The following LINGO2 variants were observed in gnomAD, a reference collection of about 807,000 sequenced individuals.
LINGO2 encodes the protein leucine rich repeat and Ig domain containing 2.
A neutral mutation model predicts 30.6 loss-of-function variants in LINGO2; 14 were observed. The observed-to-expected ratio is 0.46, with a 90% CI of 0.30 to 0.72. The LOEUF is 0.72. Among genes scored for constraint, LINGO2 ranks in the 30% least tolerant of loss-of-function variants. LINGO2 has a pLI of 0.07. For synonymous variants in LINGO2, 317 were observed against 288.5 expected (o/e 1.10, Z -1.00); for missense variants, 729 against 751.7 (o/e 0.97, Z 0.35).
intron 1 of LINGO2, among the ~76,000 whole-genome samples, chr9:28,654,153 G>A (rs1052109759): frequency 6.6e-6 from 1 of 151,984 alleles, no homozygotes; most frequent in Non-Finnish European, 1.5e-5. Flanking sequence ...CATCTTCAAG[G>A]ATTAGTTTTA....
chr9:28,676,691 T>G, the LINGO2 span, among the ~76,000 whole-genome samples: 21 of 152,152 alleles, frequency 1.4e-4, no homozygotes, highest in Non-Finnish European at 2.4e-4. Context: ...ATTGCTTTGG[T>G]GGCTTACATT....
chr9:29,204,228 T>C, the LINGO2 span, among the ~76,000 whole-genome samples: 1 of 152,240 alleles, frequency 6.6e-6, no homozygotes, highest in Non-Finnish European at 1.5e-5. Context: ...TGGATTAATC[T>C]ATTATAAAAA....
the LINGO2 span, among the ~76,000 whole-genome samples, chr9:28,761,913 G>T: frequency 6.6e-6 from 1 of 151,938 alleles, no homozygotes; most frequent in Non-Finnish European, 1.5e-5. Context: ...GCTATATAAA[G>T]GGTGAGGTTT....
At chr9:28,319,682 G>C (rs1485420925) in intron 3 of LINGO2, among the ~76,000 whole-genome samples, 3 of 152,114 alleles carry the variant, frequency 2.0e-5, no homozygotes, top group African/African-American at 7.2e-5. Flanking sequence ...GCAGAAAATA[G>C]ATTGGTTGTT....
At chr9:28,376,213 G>A (rs1259135003) in intron 2 of LINGO2, among the ~76,000 whole-genome samples, 2 of 151,898 alleles carry the variant, frequency 1.3e-5, no homozygotes, top group Non-Finnish European at 2.9e-5. Flanking sequence ...TGTTCATTAG[G>A]GTACTGGCTG....
intron 4 of LINGO2, among the ~76,000 whole-genome samples, chr9:28,060,412 C>G (rs1004825844): frequency 3.9e-5 from 6 of 152,142 alleles, no homozygotes; most frequent in Admixed American, 2.0e-4. Context: ...TGTGCCAGTA[C>G]TTTTGTAAGT....
the LINGO2 span, among the ~76,000 whole-genome samples, chr9:28,801,190 C>G: frequency 6.6e-6 from 1 of 152,036 alleles, no homozygotes; most frequent in Non-Finnish European, 1.5e-5. Flanking sequence ...AATTAGAGCT[C>G]TTGCCAATGG....
intron 2 of LINGO2, among the ~76,000 whole-genome samples, chr9:28,423,240 A>G (rs1331915): frequency 0.3 from 45,537 of 151,790 alleles, 7,761 homozygotes; most frequent in Non-Finnish European, 0.38. Context: ...GTAAAGCTTG[A>G]AATGGAATAT....
intron 1 of LINGO2, among the ~76,000 whole-genome samples, chr9:28,605,873 T>C (rs1013635041): frequency 2.0e-5 from 3 of 152,024 alleles, no homozygotes; most frequent in African/African-American, 7.2e-5. Flanking sequence ...TGCTACAAAG[T>C]CCTATGGTCG....
the LINGO2 span, among the ~76,000 whole-genome samples, chr9:29,017,624 A>T: frequency 6.6e-6 from 1 of 152,146 alleles, no homozygotes; most frequent in Admixed American, 6.6e-5. Context: ...CCACGTTGGC[A>T]TGCATCAAGG....
the LINGO2 span, among the ~76,000 whole-genome samples, chr9:28,975,794 C>A: frequency 2.4e-3 from 365 of 152,254 alleles, 1 homozygote; most frequent in African/African-American, 8.2e-3. Flanking sequence ...AGATAGCAAG[C>A]ATGTCAGAAA....
chr9:28,601,481 G>T (rs1401305391), intron 1 of LINGO2, among the ~76,000 whole-genome samples: 1 of 152,120 alleles, frequency 6.6e-6, no homozygotes, highest in Non-Finnish European at 1.5e-5. Flanking sequence ...TGGAGGACTA[G>T]AGGTATCAGG....
At chr9:28,366,214 A>G (rs1222034937) in intron 3 of LINGO2, among the ~76,000 whole-genome samples, 1 of 152,148 alleles carries the variant, frequency 6.6e-6, no homozygotes, top group Non-Finnish European at 1.5e-5. Context: ...GCAGGGCATA[A>G]CATCATCCAT....
At chr9:28,495,209 T>A (rs1035048831) in intron 1 of LINGO2, among the ~76,000 whole-genome samples, 1 of 152,132 alleles carries the variant, frequency 6.6e-6, no homozygotes, top group African/African-American at 2.4e-5. Context: ...GTGCAGAAGC[T>A]CTTTAGTTTA....
chr9:29,000,901 A>T, the LINGO2 span, among the ~76,000 whole-genome samples: 1 of 152,010 alleles, frequency 6.6e-6, no homozygotes, highest in Admixed American at 6.6e-5. Flanking sequence ...TGTATTTCAA[A>T]CTGTAAGTTA....
At chr9:29,110,351 G>T in the LINGO2 span, among the ~76,000 whole-genome samples, 1 of 152,018 alleles carries the variant, frequency 6.6e-6, no homozygotes, top group Non-Finnish European at 1.5e-5. Flanking sequence ...TTTGTTTTTT[G>T]AGACGGAGTC....
At chr9:28,185,279 T>G (rs1819501723) in intron 4 of LINGO2, among the ~76,000 whole-genome samples, 1 of 152,198 alleles carries the variant, frequency 6.6e-6, no homozygotes, top group African/African-American at 2.4e-5. Flanking sequence ...ATTTTTTCAA[T>G]TTTACATAAT....
the LINGO2 span, among the ~76,000 whole-genome samples, chr9:28,758,044 C>T: frequency 1.3e-5 from 2 of 152,016 alleles, no homozygotes; most frequent in African/African-American, 2.4e-5. Context: ...CATGGTTCTC[C>T]ATGGAAGGAT....
chr9:29,071,985 TC>T, the LINGO2 span, among the ~76,000 whole-genome samples: 1 of 152,124 alleles, frequency 6.6e-6, no homozygotes, highest in East Asian at 1.9e-4. Flanking sequence ...CTTTTTATTA[TC>T]CTTGCAAGTA....
Sources: allele counts gnomAD v4.1 joint callset (sites outside exome capture counted in the v4.1 genomes callset), GRCh38; gene constraint gnomAD v4.1.1; transcripts MANE v1.5; gene names NCBI Gene and HGNC (gene_info 2026-07-23, HGNC 2026-07-21).